The following TBC1D4 variants were observed in gnomAD, a reference collection of about 807,000 sequenced individuals.
The protein encoded by TBC1D4 is TBC1 domain family member 4, also known as TBC (Tre-2, BUB2, CDC16) domain-containing protein.
TBC1D4 carries 121 observed loss-of-function variants against 142.5 expected under a neutral mutation model. The observed-to-expected ratio is 0.85, with a 90% CI of 0.73 to 0.99. The LOEUF (loss-of-function observed/expected upper bound fraction) is 0.99, where lower values mean the gene tolerates loss of function less well. TBC1D4 is among the 50% of genes least tolerant of loss of function. TBC1D4 has a pLI of 0.00. For missense variants in TBC1D4, 1,475 were observed against 1,606.6 expected (o/e 0.92, Z 1.40); for synonymous variants, 630 against 628.2 (o/e 1.00, Z -0.04).
At chr13:75,386,860 GT>G (rs769112775) in intron 1 of TBC1D4, among the ~76,000 whole-genome samples, 1 of 152,034 alleles carries the variant, frequency 6.6e-6, no homozygotes, top group East Asian at 1.9e-4. Context: ...TAAACAAAAA[GT>G]TTTGTGATCT....
chr13:75,355,260 C>T (rs1270933144), intron 4 of TBC1D4, among the ~76,000 whole-genome samples: 3 of 152,100 alleles, frequency 2.0e-5, no homozygotes, highest in Admixed American at 6.6e-5. Context: ...GTGGGAGGAT[C>T]ACATGTCTAA....
At chr13:75,376,006 T>C (rs1237011445) in intron 1 of TBC1D4, 1 of 152,102 alleles carries the variant, frequency 6.6e-6, no homozygotes, top group African/African-American at 2.4e-5. Flanking sequence ...TTCATAATGA[T>C]CAATTATGCA....
intron 1 of TBC1D4, among the ~76,000 whole-genome samples, chr13:75,410,650 G>T (rs1044227193): frequency 2.0e-5 from 3 of 152,134 alleles, no homozygotes; most frequent in African/African-American, 7.2e-5. Context: ...AAATACCGAA[G>T]GGGAGGCCGG....
chr13:75,407,799 C>T (rs1205401228), intron 1 of TBC1D4, among the ~76,000 whole-genome samples: 1 of 151,762 alleles, frequency 6.6e-6, no homozygotes, highest in Admixed American at 6.6e-5. Context: ...TGGAAACTGA[C>T]ACTCCAGGAC....
intron 1 of TBC1D4, among the ~76,000 whole-genome samples, chr13:75,445,011 C>T (rs534582735): frequency 6.6e-6 from 1 of 151,982 alleles, no homozygotes; most frequent in Non-Finnish European, 1.5e-5. Flanking sequence ...TTCCAAATAA[C>T]ACCCCCAAAA....
intron 1 of TBC1D4, among the ~76,000 whole-genome samples, chr13:75,474,107 T>C (rs1283018857): frequency 1.3e-5 from 2 of 152,224 alleles, no homozygotes; most frequent in African/African-American, 2.4e-5. Flanking sequence ...GGCATAACTA[T>C]ACCCAAGTGT....
chr13:75,426,955 G>A (rs1383849429), intron 1 of TBC1D4, among the ~76,000 whole-genome samples: 1 of 152,018 alleles, frequency 6.6e-6, no homozygotes, highest in African/African-American at 2.4e-5. Flanking sequence ...AGGCTGAGGT[G>A]GGATGACTGC....
At chr13:75,452,744 T>A (rs1199125977) in intron 1 of TBC1D4, among the ~76,000 whole-genome samples, 1 of 152,208 alleles carries the variant, frequency 6.6e-6, no homozygotes, top group Admixed American at 6.5e-5. Context: ...CCCTGATATA[T>A]GAGTGATACG....
chr13:75,344,110 A>C (rs1880956939), intron 5 of TBC1D4, among the ~76,000 whole-genome samples: 1 of 152,116 alleles, frequency 6.6e-6, no homozygotes, highest in South Asian at 2.1e-4. Context: ...CGGCCTCCCA[A>C]AGTGCTGGGA....
chr13:75,460,185 G>A (rs1466794850), intron 1 of TBC1D4, among the ~76,000 whole-genome samples: 2 of 152,060 alleles, frequency 1.3e-5, no homozygotes, highest in Non-Finnish European at 2.9e-5. Context: ...ATACATATTA[G>A]TCATTGTGTT....
At chr13:75,420,904 C>T (rs1451783540) in intron 1 of TBC1D4, among the ~76,000 whole-genome samples, 2 of 152,062 alleles carry the variant, frequency 1.3e-5, no homozygotes, top group Non-Finnish European at 2.9e-5. Context: ...AGAAAACGGA[C>T]CTTGAGTGAA....
chr13:75,339,318 T>A (rs1217262021), intron 7 of TBC1D4, among the ~76,000 whole-genome samples: 1 of 151,244 alleles, frequency 6.6e-6, no homozygotes, highest in African/African-American at 2.4e-5. Flanking sequence ...CCAAGCAACC[T>A]CCCCCATAAA....
intron 2 of TBC1D4, among the ~76,000 whole-genome samples, chr13:75,361,627 A>G (rs564360634): frequency 6.6e-6 from 1 of 152,230 alleles, no homozygotes; most frequent in Admixed American, 6.5e-5. Flanking sequence ...TAATCCGCGT[A>G]CCTTGGCCTC....
intron 17 of TBC1D4, among the ~76,000 whole-genome samples, chr13:75,297,316 C>CTTTAAA (rs1272612228): frequency 3.3e-5 from 5 of 152,122 alleles, no homozygotes; most frequent in African/African-American, 1.2e-4. Context: ...TAGCTATTAT[C>CTTTAAA]CTTTTATCTG....
intron 1 of TBC1D4, among the ~76,000 whole-genome samples, chr13:75,475,464 GTTTT>G (rs1203961422): frequency 6.6e-6 from 1 of 152,108 alleles, no homozygotes; most frequent in African/African-American, 2.4e-5. Flanking sequence ...AAGCCTTGAG[GTTTT>G]TTTAAGTAAA....
chr13:75,397,520 T>C (rs1379462126), intron 1 of TBC1D4, among the ~76,000 whole-genome samples: 1 of 152,166 alleles, frequency 6.6e-6, no homozygotes, highest in Non-Finnish European at 1.5e-5. Flanking sequence ...AATATAATTA[T>C]ATTGTGTGGA....
At chr13:75,422,931 G>C (rs1886229289) in intron 1 of TBC1D4, among the ~76,000 whole-genome samples, 1 of 152,140 alleles carries the variant, frequency 6.6e-6, no homozygotes, top group South Asian at 2.1e-4. Context: ...ACCATCGGTT[G>C]ACCAATTATT....
In TBC1D4 at chr13:75,299,333, C is replaced by T; in HGVS notation, c.3153G>A (p.Leu1051=). 6.2e-7 allele frequency: 1 copy of T among 1,614,078 alleles called. No homozygotes were observed. The highest frequency in any genetic ancestry group is 8.5e-7 in the Non-Finnish European group (1 of 1,180,022). ...TCGGGAAGCACAAGTGCCTCACCTG[C>T]AGCGACATCATGTCAGGTCTGTACT... The part of the protein sequence containing the change: ...RKQYRPDMMS[L]QIQMYQLSRL... The change falls in exon 17 of 21, where the codon CTG becomes CTA. Residue 1051 remains leucine, a synonymous_variant. Coordinates refer to ENST00000377636, the MANE Select transcript of TBC1D4 (RefSeq NM_014832.5).
intron 19 of TBC1D4, among the ~76,000 whole-genome samples, chr13:75,290,887 C>T (rs1399350852): frequency 1.3e-5 from 2 of 152,132 alleles, no homozygotes; most frequent in Non-Finnish European, 2.9e-5. Flanking sequence ...GGCTGGGCAC[C>T]AGAACAAGGT....
Sources: allele counts gnomAD v4.1 joint callset (sites outside exome capture counted in the v4.1 genomes callset), GRCh38; gene constraint gnomAD v4.1.1; transcripts MANE v1.5; gene names NCBI Gene and HGNC (gene_info 2026-07-23, HGNC 2026-07-21).